GFPT2: variants seen among roughly 807,000 people sequenced by gnomAD.
The protein encoded by GFPT2 is glutamine--fructose-6-phosphate aminotransferase [isomerizing] 2.
A neutral mutation model predicts 85.6 loss-of-function variants in GFPT2; 62 were observed. The observed-to-expected ratio is 0.72, with a 90% CI of 0.59 to 0.90. The LOEUF (loss-of-function observed/expected upper bound fraction) is 0.90. Ranked by LOEUF, GFPT2 falls within the 40% of genes least tolerant of loss-of-function variation. The pLI is 0.00. For missense variants in GFPT2, 788 were observed against 893.4 expected (o/e 0.88, Z 1.50); for synonymous variants, 368 against 344.5 (o/e 1.07, Z -0.75).
intron 1 of GFPT2, among the ~76,000 whole-genome samples, chr5:180,346,538 C>CCCGCGGGCCCA (rs1321232204): frequency 2.0e-5 from 3 of 152,216 alleles, no homozygotes; most frequent in Admixed American, 2.0e-4. Context: ...TCTTCTCTGC[C>CCCGCGGGCCCA]CCGCGGGCCC....
At chr5:180,313,748 TCTGGTGCA>T in intron 14 of GFPT2, 51 bp downstream of exon 14, 1 of 1,468,760 alleles carries the variant, frequency 6.8e-7, no homozygotes, top group Non-Finnish European at 9.1e-7. Context: ...GAGGGCGGCC[TCTGGTGCA>T]CCTGCCTCCG....
chr5:180,349,496 T>G (rs11747494), intron 1 of GFPT2, among the ~76,000 whole-genome samples: 29,131 of 151,618 alleles, frequency 0.19, 3,068 homozygotes, highest in East Asian at 0.26. Context: ...AAAAAGAAGG[T>G]TTTTCTGAAC....
rs373584624 is a variant in GFPT2, at chr5:180,309,959, C to T, written c.1546+2471G>A. ...CCGAGTAGCTGGGACTACAGGTGCC[C>T]ACCACCACGCCCGGCTAATTTTTTG... On this transcript the variant is annotated intron_variant, in intron 15 of 18. Transcript: ENST00000253778. Among the ~76,000 whole-genome samples, 57 of 151,302 alleles carry T rather than the reference C, an allele frequency of 3.8e-4. No individual in the cohort carries two copies. The East Asian group carries it at 9.9e-3, about 26-fold the overall frequency.
Position 180,338,586 on chromosome 5 carries a change from T to C in GFPT2, c.22A>G (p.Met8Val), listed in dbSNP as rs201087082. ...CTCGTCCGGGGGACTCTGTAGTTCA[T>C]GTAGGCAAAGATTCCTGTTCAAAGA... is the stretch of plus-strand genomic sequence containing the variant. MCGIFAY[M>V]NYRVPRTRKE... Residue 8 changes from methionine to valine, a missense_variant, in exon 2 of 19, where the codon ATG (methionine) becomes GTG (valine). Met to Val is a conservative substitution (Grantham distance 21). Coordinates refer to ENST00000253778, the MANE Select transcript of GFPT2 (RefSeq NM_005110.4). 3 of 1,600,942 alleles carry C rather than the reference T, an allele frequency of 1.9e-6. No homozygotes were observed. Among genetic ancestry groups the C allele is most frequent in the East Asian group, 2.2e-5 (1 of 44,804 alleles).
intron 12 of GFPT2, 56 bp downstream of exon 12, chr5:180,316,708 C>T: frequency 8.1e-7 from 1 of 1,238,798 alleles, no homozygotes; most frequent in Non-Finnish European, 1.2e-6. Context: ...AAACTGAAGG[C>T]CAGTGTCTGG....
At chr5:180,352,362 G>C (rs753403118) in intron 1 of GFPT2, 1 of 415,840 alleles carries the variant, frequency 2.4e-6, no homozygotes, top group Admixed American at 3.0e-5. Context: ...AAAAAAAAGA[G>C]CACAGTGACC....
At position 180,303,092 on chromosome 5, in the gene GFPT2, T is replaced by C. The variant is rs6873632; in HGVS notation, c.1843-508A>G. 9.5e-4 allele frequency among the ~76,000 whole-genome samples: 107 copies of C among 112,626 alleles called. 5 individuals are homozygous for C. The highest frequency in any genetic ancestry group is 1.1e-3 in the African/African-American group (40 of 36,316). 73.9% of individuals were successfully genotyped at this position (112,626 alleles called of 152,430 possible). ...AAAAATACAAAAAATTAGCCGGGTG[T>C]GGTGGCGGGGGCCTGTAGTCCCAGC... is the stretch of plus-strand genomic sequence containing the variant. On this transcript the variant is annotated intron_variant, in intron 17 of 18. Transcript: ENST00000253778.
chr5:180,334,693 G>C (rs1764364415), intron 4 of GFPT2, among the ~76,000 whole-genome samples: 1 of 152,218 alleles, frequency 6.6e-6, no homozygotes, highest in African/African-American at 2.4e-5. Context: ...ACCCTCCCCT[G>C]GCATGTCCAG....
chr5:180,353,144 G>A, intron 1 of GFPT2, 67 bp downstream of exon 1: 1 of 1,210,646 alleles, frequency 8.3e-7, no homozygotes, highest in Non-Finnish European at 1.0e-6. Flanking sequence ...CGGAGGCGCG[G>A]AGAGGCTGCG....
Position 180,312,233 on chromosome 5 carries a change from G to A in GFPT2, c.1546+197C>T, listed in dbSNP as rs557958249. 9.3e-5 allele frequency among the ~76,000 whole-genome samples: 14 copies of A among 151,238 alleles called. 2 individuals carry two copies. The South Asian group carries it at 2.4e-3, about 26-fold the overall frequency. Reference sequence around the variant, plus strand: ...AGGCAGGGAGGCAGGGAGGCAGCGCGGCAGCGCAGGGGGAGGTGGGGGCCG... The same window carrying A: ...AGGCAGGGAGGCAGGGAGGCAGCGCAGCAGCGCAGGGGGAGGTGGGGGCCG... On this transcript the variant is annotated intron_variant, in intron 15 of 18. Transcript: ENST00000253778.
intron 8 of GFPT2, 116 bp downstream of exon 8, chr5:180,324,700 G>A: frequency 1.3e-6 from 1 of 747,026 alleles, no homozygotes; most frequent in South Asian, 1.5e-5. Context: ...GCGCCTGTTG[G>A]GTCTGGCTCA....
At position 180,301,628 on chromosome 5, in the gene GFPT2, C is replaced by G. The variant is rs774109224; in HGVS notation, c.2005-20G>C. 2 of 1,605,424 alleles carry G rather than the reference C, an allele frequency of 1.2e-6. No individual in the cohort carries two copies. Among genetic ancestry groups the G allele is most frequent in the South Asian group, 2.2e-5 (2 of 90,898 alleles). ...GTCAACCTAAAATGAAAGAAAGTGACTGTTCAGGACCCCAAAGATCTCAGC... is the reference window on the plus strand; with the variant it reads ...GTCAACCTAAAATGAAAGAAAGTGAGTGTTCAGGACCCCAAAGATCTCAGC... On this transcript the variant is annotated intron_variant, in intron 18 of 18. Transcript: ENST00000253778.
Position 180,318,565 on chromosome 5 carries a change from G to A in GFPT2, c.958+228C>T. 3.7e-6 allele frequency: 2 copies of A among 543,984 alleles called. No homozygotes were observed. Among genetic ancestry groups the A allele is most frequent in the South Asian group, 2.3e-5 (1 of 43,688 alleles). 33.7% of individuals were successfully genotyped at this position (543,984 alleles called of 1,614,324 possible). A position where few individuals can be genotyped will look rare whatever the true frequency, so the allele number is the denominator to read the frequency against. ...GACACACTGGGCTCAGTTCCAGTAG[G>A]AAAGACCTGGCGGCTGGCTGCACAC... is the stretch of plus-strand genomic sequence containing the variant. On this transcript the variant is annotated intron_variant, in intron 10 of 18. Coordinates refer to ENST00000253778, the MANE Select transcript of GFPT2 (RefSeq NM_005110.4). This position sits in a 1 kb window ranked among gnomAD's most constrained non-coding sequence, Gnocchi z 4.2.
In GFPT2 at chr5:180,335,888, C is replaced by A; in HGVS notation, c.280G>T (p.Ala94Ser). Residue 94 changes from alanine (A) to serine (S), a missense_variant, in exon 4 of 19, where the codon GCC (alanine) becomes TCC (serine). Ala to Ser is a moderately conservative substitution (Grantham distance 99). Transcript: ENST00000253778. ...THFGIAHTRW[A>S]THGVPSAVNS... ...ACAGCACTGGGGACCCCGTGGGTGG[C>A]CCAGCGCGTGTGGGCAATGCCGAAG... 6.3e-7 allele frequency: 1 copy of A among 1,584,492 alleles called. No individual in the cohort carries two copies. The highest frequency in any genetic ancestry group is 1.1e-5 in the South Asian group (1 of 87,018).
intron 5 of GFPT2, among the ~76,000 whole-genome samples, chr5:180,331,136 C>T (rs1330247436): frequency 6.6e-6 from 1 of 152,244 alleles, no homozygotes; most frequent in Non-Finnish European, 1.5e-5. Context: ...CAACTAACAC[C>T]ACAGAGCCTT....
intron 4 of GFPT2, among the ~76,000 whole-genome samples, chr5:180,335,002 C>T (rs1042942616): frequency 3.9e-5 from 6 of 152,184 alleles, no homozygotes; most frequent in African/African-American, 9.7e-5. Flanking sequence ...ACTGTCCTGG[C>T]GACCCATGCA....
At chr5:180,348,877 G>A (rs1395446171) in intron 1 of GFPT2, among the ~76,000 whole-genome samples, 6 of 151,662 alleles carry the variant, frequency 4.0e-5, no homozygotes, top group Admixed American at 6.6e-5. Flanking sequence ...GAGTAGCTGG[G>A]ACTACAGGTG....
chr5:180,317,582 AC>A (rs1332015440), intron 10 of GFPT2, among the ~76,000 whole-genome samples: 1 of 145,258 alleles, frequency 6.9e-6, no homozygotes, highest in East Asian at 1.9e-4. Flanking sequence ...AAACAGTGAA[AC>A]CCCGTCTCTA....
At chr5:180,337,612 G>C (rs1049729027) in intron 2 of GFPT2, among the ~76,000 whole-genome samples, 9 of 151,996 alleles carry the variant, frequency 5.9e-5, no homozygotes, top group Admixed American at 1.3e-4. Flanking sequence ...AGACAACAGC[G>C]ACCGGAGAAG....
Sources: gnomAD v4.1 joint callset for allele counts (sites outside exome capture counted in the v4.1 genomes callset) on GRCh38, gnomAD v4.1.1 for gene constraint, Gnocchi (gnomAD v3.1) non-coding constraint, MANE v1.5 for transcripts, NCBI Gene and HGNC (gene_info 2026-07-23, HGNC 2026-07-21) for gene names.